HYAL4: variants seen among roughly 807,000 people sequenced by gnomAD.
HYAL4 encodes the protein hyaluronidase-4.
A neutral mutation model predicts 35.2 loss-of-function variants in HYAL4; 37 were observed. The observed-to-expected ratio is 1.05, with a 90% CI of 0.81 to 1.38. The LOEUF is 1.38. Among genes scored for constraint, HYAL4 ranks in the 40% most tolerant of loss-of-function variants. The pLI, the probability that HYAL4 is intolerant of heterozygous loss-of-function variation, is 0.00. For synonymous variants in HYAL4, 198 were observed against 203.2 expected (o/e 0.97, Z 0.22); for missense variants, 572 against 572.4 (o/e 1.00, Z 0.01).
chr7:123,793,334 CT>C, the HYAL4 span, among the ~76,000 whole-genome samples: 1 of 152,168 alleles, frequency 6.6e-6, no homozygotes, highest in Non-Finnish European at 1.5e-5. Flanking sequence ...ATATTTTACC[CT>C]TATGCCTAAC....
upstream of HYAL4, chr7:123,844,130 T>C (rs1196842000): frequency 6.6e-6 from 1 of 152,096 alleles, no homozygotes. Flanking sequence ...CCCATCTTTG[T>C]GGTTATATCT....
At chr7:123,769,461 G>A in the HYAL4 span, among the ~76,000 whole-genome samples, 1 of 152,190 alleles carries the variant, frequency 6.6e-6, no homozygotes, top group Admixed American at 6.5e-5. Flanking sequence ...CTGATCCAAG[G>A]AAAACCTCTG....
chr7:123,866,371 C>A (rs1337898440), intron 2 of HYAL4, among the ~76,000 whole-genome samples: 1 of 152,144 alleles, frequency 6.6e-6, no homozygotes, highest in East Asian at 1.9e-4. Flanking sequence ...AATTCAAAGC[C>A]TAGATTAGGA....
chr7:123,857,240 C>T (rs1272667642), intron 2 of HYAL4, among the ~76,000 whole-genome samples: 2 of 152,124 alleles, frequency 1.3e-5, no homozygotes, highest in Non-Finnish European at 2.9e-5. Context: ...ACAAAAAAAC[C>T]TCCTGGAGCT....
upstream of HYAL4, among the ~76,000 whole-genome samples, chr7:123,824,774 C>T (rs1239907664): frequency 1.3e-5 from 2 of 152,156 alleles, no homozygotes; most frequent in Non-Finnish European, 2.9e-5. Flanking sequence ...CTCCTGTACC[C>T]TTGTTCTGTT....
intron 3 of HYAL4, among the ~76,000 whole-genome samples, chr7:123,870,269 AATGGAATGTATTC>A: frequency 6.6e-6 from 1 of 152,336 alleles, no homozygotes; most frequent in East Asian, 1.9e-4. Flanking sequence ...TTGGAACATA[AATGGAATGTATTC>A]ATCAGAGGGA....
the HYAL4 span, among the ~76,000 whole-genome samples, chr7:123,823,137 GT>G: frequency 1.3e-5 from 2 of 152,022 alleles, no homozygotes; most frequent in African/African-American, 4.8e-5. Context: ...TACACCTATT[GT>G]TTTAAGAGTT....
the HYAL4 span, among the ~76,000 whole-genome samples, chr7:123,808,032 C>T: frequency 6.6e-6 from 1 of 151,320 alleles, no homozygotes; most frequent in Non-Finnish European, 1.5e-5. Flanking sequence ...ACCTCGGCCC[C>T]CCAAAGTGGT....
chr7:123,787,099 C>T, the HYAL4 span, among the ~76,000 whole-genome samples: 5 of 118,924 alleles, frequency 4.2e-5, no homozygotes, highest in African/African-American at 1.8e-4. Flanking sequence ...AAGAGCAAAA[C>T]TCTGTCTCAA....
the HYAL4 span, among the ~76,000 whole-genome samples, chr7:123,800,329 C>T: frequency 6.7e-6 from 1 of 149,434 alleles, no homozygotes; most frequent in East Asian, 2.0e-4. Flanking sequence ...GCCACCATGC[C>T]CGGCTAATTT....
intron 2 of HYAL4, among the ~76,000 whole-genome samples, chr7:123,851,553 C>T (rs1806305901): frequency 6.6e-6 from 1 of 152,094 alleles, no homozygotes; most frequent in African/African-American, 2.4e-5. Context: ...TCATTCATGT[C>T]CCCGCAAAGG....
intron 2 of HYAL4, among the ~76,000 whole-genome samples, chr7:123,866,792 T>TC (rs1304978459): frequency 6.8e-6 from 1 of 146,720 alleles, no homozygotes; most frequent in Non-Finnish European, 1.5e-5. Flanking sequence ...TCTCTCTCTT[T>TC]TTTTTTTTTT....
At chr7:123,839,142 C>T (rs970352643) in intron 1 of HYAL4, among the ~76,000 whole-genome samples, 10 of 152,038 alleles carry the variant, frequency 6.6e-5, no homozygotes, top group Non-Finnish European at 1.5e-4. Flanking sequence ...CCCCAGCTCT[C>T]CCACCTCTGA....
intron 2 of HYAL4, among the ~76,000 whole-genome samples, chr7:123,855,395 T>C (rs919167731): frequency 6.6e-6 from 1 of 152,158 alleles, no homozygotes; most frequent in Non-Finnish European, 1.5e-5. Flanking sequence ...AAGGCAGGCC[T>C]GATGGTAACA....
chr7:123,863,348 A>G (rs1308784861), intron 2 of HYAL4, among the ~76,000 whole-genome samples: 1 of 152,070 alleles, frequency 6.6e-6, no homozygotes, highest in Non-Finnish European at 1.5e-5. Flanking sequence ...TCATCATACA[A>G]TGTCAGTGTT....
chr7:123,854,444 G>T (rs1310401831), intron 2 of HYAL4, among the ~76,000 whole-genome samples: 1 of 152,146 alleles, frequency 6.6e-6, no homozygotes, highest in Non-Finnish European at 1.5e-5. Flanking sequence ...TGGTTTCAAA[G>T]AACTTATTTA....
intron 2 of HYAL4, among the ~76,000 whole-genome samples, chr7:123,861,656 G>A (rs942336299): frequency 3.3e-5 from 5 of 152,058 alleles, no homozygotes; most frequent in East Asian, 1.9e-4. Context: ...GAATAATATA[G>A]TGAATTTACC....
At chr7:123,843,852 A>G (rs1490469303), upstream of HYAL4, among the ~76,000 whole-genome samples, 1 of 151,914 alleles carries the variant, frequency 6.6e-6, no homozygotes, top group Non-Finnish European at 1.5e-5. Context: ...CCATCAGGTC[A>G]TTTAAGGTCT....
chr7:123,853,836 G>A (rs771335946), intron 2 of HYAL4, among the ~76,000 whole-genome samples: 11 of 152,100 alleles, frequency 7.2e-5, no homozygotes, highest in Admixed American at 5.2e-4. Flanking sequence ...GGTAGAATTC[G>A]GATGTGAATC....
Sources: allele counts gnomAD v4.1 joint callset (sites outside exome capture counted in the v4.1 genomes callset), GRCh38; gene constraint gnomAD v4.1.1; transcripts MANE v1.5; gene names NCBI Gene and HGNC (gene_info 2026-07-23, HGNC 2026-07-21).